The following DOCK9 variants were observed in gnomAD, a reference collection of about 807,000 sequenced individuals.
The protein encoded by DOCK9 is dedicator of cytokinesis 9, also known as dedicator of cytokinesis protein 9.
Under a neutral mutation model 263.3 loss-of-function variants are expected in DOCK9, and 89 were observed. The observed-to-expected ratio is 0.34, with a 90% CI of 0.28 to 0.40. The LOEUF is 0.40. Ranked by LOEUF, DOCK9 falls within the 10% of genes least tolerant of loss-of-function variation. The probability of loss-of-function intolerance (pLI) is 1.00; values close to 1 mark genes in which losing one functional copy is unlikely to be tolerated. For synonymous variants in DOCK9, 976 were observed against 973.1 expected, an observed-to-expected ratio of 1.00 and a Z score of -0.06; for missense variants, 2,140 against 2,603.4, an observed-to-expected ratio of 0.82 and a Z score of 3.87.
chr13:99,087,674 G>C (rs988614120), upstream of DOCK9: 4 of 152,484 alleles, frequency 2.6e-5, no homozygotes, highest in East Asian at 7.7e-4. Flanking sequence ...CAGGGCCGCG[G>C]AGAGGGCGCG....
intron 9 of DOCK9, among the ~76,000 whole-genome samples, chr13:98,909,858 T>G (rs1025118523): frequency 6.6e-6 from 1 of 152,212 alleles, no homozygotes; most frequent in African/African-American, 2.4e-5. Flanking sequence ...TCCATCTCCA[T>G]GAGACTATAA....
chr13:99,038,706 C>T (rs978143959), intron 1 of DOCK9, among the ~76,000 whole-genome samples: 11 of 152,200 alleles, frequency 7.2e-5, no homozygotes, highest in African/African-American at 1.4e-4. Context: ...AGTTTTCCCA[C>T]GTGCCACTTA....
rs1194292683 is a variant in DOCK9, at chr13:99,007,836, T to C, written c.130-52285A>G. ...AATAGCAATGATGAAAACAAACTGC[T>C]CGAAGTCAGAAGAGGTGAACACAAA... is the stretch of plus-strand genomic sequence containing the variant. On this transcript the variant is annotated intron_variant, in intron 1 of 32. Coordinates refer to the DOCK9 transcript ENST00000427887. Among the ~76,000 whole-genome samples, 4 of 152,176 alleles carry C rather than the reference T, an allele frequency of 2.6e-5. No individual in the cohort carries two copies. In the East Asian group the frequency reaches 7.7e-4, roughly 29 times the overall value.
intron 38 of DOCK9, among the ~76,000 whole-genome samples, chr13:98,840,949 C>T (rs1831924177): frequency 6.6e-6 from 1 of 152,156 alleles, no homozygotes; most frequent in Non-Finnish European, 1.5e-5. Context: ...ACCTAGTCTC[C>T]TAGATACCTA....
intron 2 of DOCK9, among the ~76,000 whole-genome samples, chr13:98,948,646 C>A (rs1159078565): frequency 1.3e-5 from 2 of 152,212 alleles, no homozygotes; most frequent in African/African-American, 4.8e-5. Flanking sequence ...CACCATCCAT[C>A]TCCAAAACTC....
At chr13:98,893,879 T>A (rs192981249) in intron 15 of DOCK9, among the ~76,000 whole-genome samples, 53 of 152,314 alleles carry the variant, frequency 3.5e-4, no homozygotes, top group South Asian at 1.0e-3. Context: ...GCCTCACTTA[T>A]CCTGCTGTGT....
intron 1 of DOCK9, among the ~76,000 whole-genome samples, chr13:99,079,965 G>A (rs1028807563): frequency 3.3e-5 from 5 of 152,140 alleles, no homozygotes; most frequent in African/African-American, 7.2e-5. Flanking sequence ...ACTTGAGCCC[G>A]GAAGGCAGAG....
At chr13:99,005,711 G>A (rs1883221876) in intron 1 of DOCK9, among the ~76,000 whole-genome samples, 1 of 152,172 alleles carries the variant, frequency 6.6e-6, no homozygotes, top group African/African-American at 2.4e-5. Flanking sequence ...CAAAGGGCCA[G>A]CTAGTAAATA....
At chr13:99,004,779 CTA>C (rs1883002732) in intron 1 of DOCK9, among the ~76,000 whole-genome samples, 1 of 105,688 alleles carries the variant, frequency 9.5e-6, no homozygotes, top group South Asian at 2.9e-4. Context: ...GACCAAAAAA[CTA>C]TAGACACACA....
intron 1 of DOCK9, among the ~76,000 whole-genome samples, chr13:99,062,020 T>A (rs1447402979): frequency 1.3e-5 from 2 of 152,070 alleles, no homozygotes; most frequent in Non-Finnish European, 2.9e-5. Context: ...CACAGTCACA[T>A]GCCACCATGC....
At chr13:98,827,340 C>G (rs1035726986) in intron 43 of DOCK9, among the ~76,000 whole-genome samples, 2 of 152,022 alleles carry the variant, frequency 1.3e-5, no homozygotes, top group African/African-American at 4.8e-5. Context: ...ATAATTTTTT[C>G]CAAATATAAA....
intron 49 of DOCK9, among the ~76,000 whole-genome samples, chr13:98,803,151 C>T (rs1220637241): frequency 2.6e-5 from 4 of 152,140 alleles, no homozygotes; most frequent in Non-Finnish European, 4.4e-5. Flanking sequence ...AATCCCCAAG[C>T]CAACAACACA....
chr13:98,910,837 T>C (rs1471316193), intron 9 of DOCK9, among the ~76,000 whole-genome samples: 8 of 152,100 alleles, frequency 5.3e-5, no homozygotes, highest in Admixed American at 5.2e-4. Context: ...ATACCCTGGG[T>C]AAACTCCTTG....
intron 5 of DOCK9, among the ~76,000 whole-genome samples, chr13:98,922,935 G>A (rs1192942402): frequency 1.3e-5 from 2 of 152,210 alleles, no homozygotes; most frequent in African/African-American, 4.8e-5. Context: ...AATCATTGAA[G>A]AAATAGCCAT....
At chr13:98,971,445 C>T (rs2059719359) in intron 1 of DOCK9, among the ~76,000 whole-genome samples, 1 of 151,956 alleles carries the variant, frequency 6.6e-6, no homozygotes, top group African/African-American at 2.4e-5. Context: ...CGGTGGCTCA[C>T]GCCTGTAGTC....
intron 2 of DOCK9, among the ~76,000 whole-genome samples, chr13:98,944,696 T>C (rs572105520): frequency 1.3e-5 from 2 of 152,292 alleles, no homozygotes; most frequent in African/African-American, 4.8e-5. Context: ...TGCAGAGGGA[T>C]ACCCTGGGAA....
At chr13:99,087,469 G>C (rs2042373586), upstream of DOCK9, among the ~76,000 whole-genome samples, 1 of 152,254 alleles carries the variant, frequency 6.6e-6, no homozygotes, top group African/African-American at 2.4e-5. Context: ...CGGACCGCCA[G>C]GCGGGGTACC....
At chr13:98,934,114 A>G (rs1390306659) in intron 2 of DOCK9, among the ~76,000 whole-genome samples, 1 of 152,070 alleles carries the variant, frequency 6.6e-6, no homozygotes, top group Non-Finnish European at 1.5e-5. Context: ...CATTTTGTCC[A>G]GGCTGGTCTT....
At chr13:99,080,153 T>C (rs1289911147) in intron 1 of DOCK9, among the ~76,000 whole-genome samples, 1 of 152,270 alleles carries the variant, frequency 6.6e-6, no homozygotes, top group East Asian at 1.9e-4. Flanking sequence ...CTATAATTTA[T>C]TTCAGTATGT....
Sources: gnomAD v4.1 joint callset for allele counts (sites outside exome capture counted in the v4.1 genomes callset) on GRCh38, gnomAD v4.1.1 for gene constraint, MANE v1.5 for transcripts, NCBI Gene and HGNC (gene_info 2026-07-23, HGNC 2026-07-21) for gene names.